RIMS2: variants seen among roughly 807,000 people sequenced by gnomAD.
The protein encoded by RIMS2 is regulating synaptic membrane exocytosis 2.
RIMS2 carries 59 observed loss-of-function variants against 174.4 expected under a neutral mutation model. The ratio of observed to expected loss-of-function variants is 0.34; its 90% confidence interval spans 0.27 to 0.42. The LOEUF (loss-of-function observed/expected upper bound fraction) is 0.42, where lower values mean the gene tolerates loss of function less well. Ranked by LOEUF, RIMS2 falls within the 10% of genes least tolerant of loss-of-function variation. RIMS2 has a pLI of 1.00. For missense variants in RIMS2, 1,620 were observed against 1,666.3 expected (o/e 0.97, Z 0.48); for synonymous variants, 606 against 572.5 (o/e 1.06, Z -0.84).
intron 19 of RIMS2, among the ~76,000 whole-genome samples, chr8:104,121,835 G>A (rs144151618): frequency 0.041 from 6,245 of 152,168 alleles, 154 homozygotes; most frequent in Middle Eastern, 0.14. Flanking sequence ...GGTGACACAC[G>A]CCTGTAATCC....
chr8:104,241,387 C>G (rs184796200), intron 19 of RIMS2, among the ~76,000 whole-genome samples: 1 of 152,068 alleles, frequency 6.6e-6, no homozygotes, highest in Admixed American at 6.6e-5. Context: ...TAAGAAGCAA[C>G]CTGTAAACAA....
chr8:104,122,677 G>T (rs1030065792), intron 19 of RIMS2, among the ~76,000 whole-genome samples: 8 of 152,112 alleles, frequency 5.3e-5, no homozygotes, highest in Non-Finnish European at 1.2e-4. Context: ...TTTCTATTTA[G>T]ATTCATACTT....
At chr8:104,111,005 T>C (rs1194241903) in intron 19 of RIMS2, among the ~76,000 whole-genome samples, 5 of 152,156 alleles carry the variant, frequency 3.3e-5, no homozygotes, top group Admixed American at 2.6e-4. Flanking sequence ...GTAAAATAAA[T>C]ATTTTTATTC....
At chr8:103,936,706 G>T (rs2081314683) in exon 13 of RIMS2, 2 of 1,605,800 alleles carry the variant, frequency 1.2e-6, no homozygotes, top group Non-Finnish European at 1.7e-6. Context: ...GAGGAAGAAA[G>T]TGAATTCTTA....
At chr8:103,805,923 C>T (rs2098647167) in intron 3 of RIMS2, among the ~76,000 whole-genome samples, 1 of 151,954 alleles carries the variant, frequency 6.6e-6, no homozygotes, top group African/African-American at 2.4e-5. Context: ...TTATAATATT[C>T]TTCATATAAC....
intron 3 of RIMS2, among the ~76,000 whole-genome samples, chr8:103,874,736 G>T (rs2099127667): frequency 1.3e-5 from 2 of 152,048 alleles, no homozygotes; most frequent in Non-Finnish European, 2.9e-5. Context: ...GTCTAATCTG[G>T]TGACTCATCA....
chr8:103,608,289 G>C (rs182730294), intron 1 of RIMS2, among the ~76,000 whole-genome samples: 1 of 143,446 alleles, frequency 7.0e-6, no homozygotes, highest in East Asian at 1.9e-4. Context: ...CTGCTGGGGG[G>C]TGCCTCCCAG....
intron 1 of RIMS2, among the ~76,000 whole-genome samples, chr8:103,693,897 C>G (rs145447269): frequency 2.0e-5 from 3 of 152,158 alleles, no homozygotes; most frequent in Non-Finnish European, 4.4e-5. Context: ...GAGCCTGTGT[C>G]AGGAGGGGCT....
chr8:103,660,606 CAAAAACA>C (rs2096587704), intron 1 of RIMS2, among the ~76,000 whole-genome samples: 1 of 151,920 alleles, frequency 6.6e-6, no homozygotes, highest in Admixed American at 6.6e-5. Flanking sequence ...AAAACAAAAA[CAAAAACA>C]AAAAAACAAA....
At position 103,750,512 on chromosome 8, in the gene RIMS2, C is replaced by T. The variant is rs936035842; in HGVS notation, c.388-15715C>T. On this transcript the variant is annotated intron_variant, in intron 2 of 23. Coordinates refer to ENST00000504942, the Ensembl canonical transcript of RIMS2. Reference sequence around the variant, plus strand: ...TATTTGAGGGGATGGAGACCCCATTCATTATTATGTGTTTATGATACGGTT... The same window carrying T: ...TATTTGAGGGGATGGAGACCCCATTTATTATTATGTGTTTATGATACGGTT... 4.6e-5 allele frequency among the ~76,000 whole-genome samples: 7 copies of T among 152,110 alleles called. No homozygotes were observed. In the East Asian group the frequency reaches 9.6e-4, roughly 21 times the overall value.
intron 2 of RIMS2, among the ~76,000 whole-genome samples, chr8:103,752,037 C>A (rs1221365096): frequency 2.0e-5 from 3 of 152,150 alleles, no homozygotes; most frequent in Non-Finnish European, 4.4e-5. Context: ...TGCCTGTGTC[C>A]TGAATGGTAA....
chr8:103,527,978 A>G (rs1486030153), intron 1 of RIMS2, among the ~76,000 whole-genome samples: 1 of 152,188 alleles, frequency 6.6e-6, no homozygotes, highest in Non-Finnish European at 1.5e-5. Context: ...TGTCTTCCAC[A>G]ATGGTTGAGC....
At chr8:104,142,205 A>AC (rs1465014907) in intron 19 of RIMS2, among the ~76,000 whole-genome samples, 2 of 144,028 alleles carry the variant, frequency 1.4e-5, no homozygotes, top group African/African-American at 2.6e-5. Flanking sequence ...CGGCTCAACC[A>AC]CAACCTCCGC....
At chr8:103,576,379 A>G (rs2093238654) in intron 1 of RIMS2, among the ~76,000 whole-genome samples, 1 of 152,224 alleles carries the variant, frequency 6.6e-6, no homozygotes, top group Admixed American at 6.5e-5. Context: ...TAAGCCAGAT[A>G]GGTAAGACTG....
chr8:104,136,415 A>G (rs2098520186), intron 19 of RIMS2, among the ~76,000 whole-genome samples: 1 of 152,238 alleles, frequency 6.6e-6, no homozygotes, highest in South Asian at 2.1e-4. Context: ...AACAAAAATG[A>G]AGAGTAAATT....
chr8:103,647,852 T>G (rs2135729077), intron 1 of RIMS2, among the ~76,000 whole-genome samples: 1 of 151,806 alleles, frequency 6.6e-6, no homozygotes, highest in East Asian at 1.9e-4. Flanking sequence ...TTATATTAAT[T>G]TTTTTTCCAA....
At chr8:103,572,695 T>A (rs1026671912) in intron 1 of RIMS2, among the ~76,000 whole-genome samples, 2 of 152,222 alleles carry the variant, frequency 1.3e-5, no homozygotes, top group African/African-American at 4.8e-5. Flanking sequence ...TGTCCACTTG[T>A]ATGTCTTCTT....
chr8:104,009,686 A>G (rs1349595447), intron 17 of RIMS2, among the ~76,000 whole-genome samples: 2 of 152,126 alleles, frequency 1.3e-5, no homozygotes, highest in Non-Finnish European at 2.9e-5. Flanking sequence ...CTTCAGAGAT[A>G]TATCCAATTT....
chr8:104,072,734 T>C (rs2097216449), intron 19 of RIMS2, among the ~76,000 whole-genome samples: 1 of 152,222 alleles, frequency 6.6e-6, no homozygotes, highest in African/African-American at 2.4e-5. Flanking sequence ...ATTGATAGTT[T>C]TAAATAATTC....
Sources: allele counts gnomAD v4.1 joint callset (sites outside exome capture counted in the v4.1 genomes callset), GRCh38; gene constraint gnomAD v4.1.1; transcripts MANE v1.5; gene names NCBI Gene and HGNC (gene_info 2026-07-23, HGNC 2026-07-21).